GRM5: variants seen among roughly 807,000 people sequenced by gnomAD.
The protein encoded by GRM5 is metabotropic glutamate receptor 5.
In GRM5, 19 loss-of-function variants were observed where a neutral mutation model predicts 83.1. The observed-to-expected ratio is 0.23, with a 90% confidence interval of 0.16 to 0.34. The LOEUF is 0.34. Among genes scored for constraint, GRM5 ranks in the 10% least tolerant of loss-of-function variants. The probability of loss-of-function intolerance (pLI) is 1.00; values close to 1 mark genes in which losing one functional copy is unlikely to be tolerated. For missense variants in GRM5, 1,160 were observed against 1,588.3 expected, an observed-to-expected ratio of 0.73 and a Z score of 4.58; for synonymous variants, 675 against 633.6, an observed-to-expected ratio of 1.07 and a Z score of -0.98.
chr11:88,514,905 C>T (rs1405443829), intron 9 of GRM5, among the ~76,000 whole-genome samples: 1 of 152,068 alleles, frequency 6.6e-6, no homozygotes, highest in South Asian at 2.1e-4. Context: ...CTCCAACAGC[C>T]CTAAGTGACG....
intron 3 of GRM5, among the ~76,000 whole-genome samples, chr11:88,740,101 C>T (rs1178649140): frequency 6.6e-6 from 1 of 152,002 alleles, no homozygotes; most frequent in Non-Finnish European, 1.5e-5. Flanking sequence ...TATAAGTTTA[C>T]TATTTTTACT....
chr11:88,573,935 C>G (rs1943055430), intron 7 of GRM5, among the ~76,000 whole-genome samples: 1 of 152,118 alleles, frequency 6.6e-6, no homozygotes, highest in Non-Finnish European at 1.5e-5. Flanking sequence ...CTTTACTTAG[C>G]CTGAGCTAAA....
intron 3 of GRM5, among the ~76,000 whole-genome samples, chr11:88,659,285 TG>T (rs1280513133): frequency 6.6e-6 from 1 of 152,118 alleles, no homozygotes; most frequent in Non-Finnish European, 1.5e-5. Context: ...GAATATGAGT[TG>T]GGATCTGTGA....
chr11:88,920,918 G>A (rs1003742614), intron 2 of GRM5, among the ~76,000 whole-genome samples: 6 of 152,146 alleles, frequency 3.9e-5, no homozygotes, highest in African/African-American at 1.4e-4. Flanking sequence ...CTACATAAGT[G>A]TATGGCATTC....
intron 3 of GRM5, among the ~76,000 whole-genome samples, chr11:88,707,616 T>A (rs1411428701): frequency 6.6e-6 from 1 of 152,094 alleles, no homozygotes; most frequent in Non-Finnish European, 1.5e-5. Context: ...GTACACCATT[T>A]TATATGAGGG....
At chr11:89,000,885 G>C (rs1056618389) in intron 2 of GRM5, among the ~76,000 whole-genome samples, 2 of 151,680 alleles carry the variant, frequency 1.3e-5, no homozygotes, top group African/African-American at 4.8e-5. Context: ...TAGTATATGG[G>C]CAAAGTCCTG....
At chr11:88,594,531 T>G (rs1937747528) in intron 6 of GRM5, among the ~76,000 whole-genome samples, 1 of 152,226 alleles carries the variant, frequency 6.6e-6, no homozygotes, top group Non-Finnish European at 1.5e-5. Flanking sequence ...TAGGTCAGAT[T>G]TAGTCTGTGG....
At position 88,567,736 on chromosome 11, in the gene GRM5, A is replaced by G. The variant is rs1243473454; in HGVS notation, c.1947T>C (p.Ile649=). 1 of 1,613,964 alleles carries G rather than the reference A, an allele frequency of 6.2e-7. No homozygotes were observed. The highest frequency in any genetic ancestry group is 1.3e-5 in the African/African-American group (1 of 74,942). The change falls in exon 8 of 10, where the codon ATT becomes ATC. Residue 649 remains isoleucine, a synonymous_variant. Transcript: ENST00000305447. This position sits in a 1 kb window ranked among gnomAD's most constrained non-coding sequence, Gnocchi z 7.3. The part of the protein sequence containing the change: ...PKQIYCYLQR[I]GIGLSPAMSY... ...TCATGGCTGGGGAGAGACCAATGCC[A>G]ATTCTCTGAAGGTAGCAGTAAATCT...
intron 5 of GRM5, among the ~76,000 whole-genome samples, chr11:88,603,883 AGTT>A (rs957050643): frequency 1.3e-5 from 2 of 152,236 alleles, no homozygotes; most frequent in African/African-American, 4.8e-5. Context: ...TTCCAAGCAC[AGTT>A]GTTAAGTATG....
At chr11:88,850,295 G>T in intron 2 of GRM5, 140 bp from the exon 3 acceptor site, 1 of 778,622 alleles carries the variant, frequency 1.3e-6, no homozygotes, top group Non-Finnish European at 2.1e-6. Context: ...TTTGGTTTTT[G>T]CTCTTTTGCC....
intron 2 of GRM5, among the ~76,000 whole-genome samples, chr11:88,851,436 G>C (rs1944388431): frequency 6.6e-6 from 1 of 152,170 alleles, no homozygotes; most frequent in South Asian, 2.1e-4. Context: ...GCATTCAGTT[G>C]CATAGGGTTC....
At chr11:88,523,613 A>G (rs1305355067) in intron 9 of GRM5, among the ~76,000 whole-genome samples, 3 of 152,134 alleles carry the variant, frequency 2.0e-5, no homozygotes. Flanking sequence ...AGATACACCA[A>G]AGTACACACA....
At chr11:88,762,476 A>G (rs141650955) in intron 3 of GRM5, among the ~76,000 whole-genome samples, 2,790 of 147,460 alleles carry the variant, frequency 0.019, 80 homozygotes, top group African/African-American at 0.065. Flanking sequence ...CAAAACCACA[A>G]TGAGATACCA....
At chr11:88,535,424 T>C (rs973321493) in intron 8 of GRM5, among the ~76,000 whole-genome samples, 1 of 152,218 alleles carries the variant, frequency 6.6e-6, no homozygotes, top group Non-Finnish European at 1.5e-5. Flanking sequence ...TCCAACCATA[T>C]GGCAGGCATG....
At chr11:88,742,566 T>A (rs946167252) in intron 3 of GRM5, among the ~76,000 whole-genome samples, 4 of 152,136 alleles carry the variant, frequency 2.6e-5, no homozygotes, top group African/African-American at 9.6e-5. Flanking sequence ...GGGAGTCTCA[T>A]ATCCTCTCTT....
intron 3 of GRM5, among the ~76,000 whole-genome samples, chr11:88,691,562 A>G (rs927444701): frequency 6.6e-6 from 1 of 152,060 alleles, no homozygotes; most frequent in Admixed American, 6.6e-5. Flanking sequence ...CATACTTCTC[A>G]CCTTCTCTTT....
rs568611010 is a variant in GRM5 at position 89,019,211 on chromosome 11, G to A, written c.661+28001C>T. ...TGTTTTTCTCTCAGATTACATTGGGGTTGTATGTTTTGGGGAGGAAGATCA... is the reference window on the plus strand; with the variant it reads ...TGTTTTTCTCTCAGATTACATTGGGATTGTATGTTTTGGGGAGGAAGATCA... On this transcript the variant is annotated intron_variant, in intron 2 of 9. Coordinates refer to ENST00000305447, the MANE Select transcript of GRM5 (RefSeq NM_001143831.3). 3.9e-5 allele frequency among the ~76,000 whole-genome samples: 6 copies of A among 152,202 alleles called. No individual in the cohort carries two copies. The South Asian group carries it at 1.2e-3, about 32-fold the overall frequency.
chr11:88,836,765 A>C (rs1179403992), intron 3 of GRM5, among the ~76,000 whole-genome samples: 2 of 152,182 alleles, frequency 1.3e-5, no homozygotes, highest in Non-Finnish European at 2.9e-5. Flanking sequence ...ACTGCACTCC[A>C]GCTTGGGTGA....
In GRM5 at chr11:88,616,594, T is replaced by G. The variant is rs564795446; in HGVS notation, c.1148-11630A>C. Reference sequence around the variant, plus strand: ...TATTTTGAAAGCATAGAGAATAGAATGTACTAATGGATAGGATGTGGAGTG... The same window carrying G: ...TATTTTGAAAGCATAGAGAATAGAAGGTACTAATGGATAGGATGTGGAGTG... On this transcript the variant is annotated intron_variant, in intron 4 of 9. Coordinates refer to ENST00000305447, the MANE Select transcript of GRM5 (RefSeq NM_001143831.3). Among the ~76,000 whole-genome samples, 22 of 152,066 alleles carry G rather than the reference T, an allele frequency of 1.4e-4. 1 individual carries two copies. The South Asian group carries it at 4.4e-3, about 30-fold the overall frequency.
Sources: allele counts gnomAD v4.1 joint callset (sites outside exome capture counted in the v4.1 genomes callset), GRCh38; gene constraint gnomAD v4.1.1; non-coding constraint Gnocchi (gnomAD v3.1); transcripts MANE v1.5; gene names NCBI Gene and HGNC (gene_info 2026-07-23, HGNC 2026-07-21).